DNASE2B: variants seen among roughly 807,000 people sequenced by gnomAD.
DNASE2B encodes the protein deoxyribonuclease-2-beta.
Under a neutral mutation model 46.0 loss-of-function variants are expected in DNASE2B, and 43 were observed. The observed-to-expected ratio is 0.94, with a 90% CI of 0.73 to 1.21. DNASE2B has a LOEUF of 1.21. DNASE2B is among the 50% of genes most tolerant of loss of function. DNASE2B has a pLI of 0.00. For missense variants in DNASE2B, 395 were observed against 414.4 expected (o/e 0.95, Z 0.41); for synonymous variants, 156 against 152.5 (o/e 1.02, Z -0.17).
At chr1:84,407,838 G>C (rs978116345) in intron 2 of DNASE2B, among the ~76,000 whole-genome samples, 1 of 151,900 alleles carries the variant, frequency 6.6e-6, no homozygotes, top group Admixed American at 6.6e-5. Context: ...TTTTTAAGCA[G>C]GAAAATATCA....
chr1:84,412,576 T>C, intron 5 of DNASE2B, 30 bp downstream of exon 5: 1 of 1,546,394 alleles, frequency 6.5e-7, no homozygotes, highest in Non-Finnish European at 8.8e-7. Flanking sequence ...AACAACATGC[T>C]GTATAATTCT....
chr1:84,410,340 G>T (rs1272705363), intron 3 of DNASE2B, among the ~76,000 whole-genome samples: 1 of 152,132 alleles, frequency 6.6e-6, no homozygotes, highest in Non-Finnish European at 1.5e-5. Flanking sequence ...TGTAGAAATA[G>T]TGACTCTTCT....
Position 84,414,568 on chromosome 1 carries a change from C to T in DNASE2B, c.786C>T (p.His262=). The T allele has an allele frequency of 6.2e-7, 1 of 1,613,850 alleles. No individual in the cohort carries two copies. The highest frequency in any genetic ancestry group is 1.3e-5 in the African/African-American group (1 of 75,034). The stretch of plus-strand genomic sequence containing the variant: ...GGATGGCTCAACGGCTGAAGACACA[C>T]TTGTTAACAGAAACCTGGCAGCGAA... ...AAWMAQRLKT[H]LLTETWQRKR... Residue 262 remains histidine, a synonymous_variant, in exon 6 of 6, where the codon CAC becomes CAT. Coordinates refer to ENST00000370665, the MANE Select transcript of DNASE2B (RefSeq NM_021233.3).
At chr1:84,399,498 A>T (rs1458115565) in intron 1 of DNASE2B, among the ~76,000 whole-genome samples, 2 of 152,204 alleles carry the variant, frequency 1.3e-5, no homozygotes, top group East Asian at 3.8e-4. Flanking sequence ...TTATGTGGTA[A>T]GGGCATAGGT....
At chr1:84,401,852 G>A in intron 1 of DNASE2B, 49 bp from the exon 2 acceptor site, 1 of 1,367,710 alleles carries the variant, frequency 7.3e-7, no homozygotes, top group South Asian at 1.6e-5. Context: ...TACTGCCACA[G>A]GAAAACAGTC....
chr1:84,408,819 TA>T (rs1553207770), intron 3 of DNASE2B, among the ~76,000 whole-genome samples: 1 of 830 alleles, frequency 1.2e-3, no homozygotes, highest in African/African-American at 2.6e-3. Context: ...AGCAATTTTA[TA>T]TATATATATA....
At chr1:84,399,549 G>T (rs1680364126) in intron 1 of DNASE2B, among the ~76,000 whole-genome samples, 1 of 152,192 alleles carries the variant, frequency 6.6e-6, no homozygotes, top group Non-Finnish European at 1.5e-5. Flanking sequence ...CTTCTCTAAG[G>T]ATGTAATTTT....
chr1:84,406,743 G>A (rs1680498443), intron 2 of DNASE2B, among the ~76,000 whole-genome samples: 1 of 152,176 alleles, frequency 6.6e-6, no homozygotes, highest in South Asian at 2.1e-4. Flanking sequence ...TGTGCCAGAA[G>A]TGACTGTGAG....
chr1:84,408,971 C>T (rs991620718), intron 3 of DNASE2B, among the ~76,000 whole-genome samples: 1 of 151,780 alleles, frequency 6.6e-6, no homozygotes, highest in Non-Finnish European at 1.5e-5. Context: ...TGGAAATATA[C>T]ATTTTTGAAA....
chr1:84,407,051 T>G (rs1680503616), intron 2 of DNASE2B, among the ~76,000 whole-genome samples: 1 of 152,188 alleles, frequency 6.6e-6, no homozygotes, highest in African/African-American at 2.4e-5. Flanking sequence ...TGAACATATG[T>G]GTTAAAGGAA....
chr1:84,409,139 A>G lies in DNASE2B; in HGVS notation c.385+621A>G, dbSNP rs543533197. 2.6e-5 allele frequency among the ~76,000 whole-genome samples: 4 copies of G among 152,302 alleles called. No homozygotes were observed. In the South Asian group the frequency reaches 8.3e-4, roughly 32 times the overall value. ...AAAATACAGGTAAACAAAAAAATCT[A>G]TAATCCTAATGCCCATTAGATAAAC... On this transcript the variant is annotated intron_variant, in intron 3 of 5. Transcript: ENST00000370665.
chr1:84,404,489 C>A (rs187467737), intron 2 of DNASE2B, among the ~76,000 whole-genome samples: 1 of 152,264 alleles, frequency 6.6e-6, no homozygotes, highest in Non-Finnish European at 1.5e-5. Flanking sequence ...TGTGTTCTAT[C>A]ATGTGTTCCA....
At chr1:84,406,606 G>C (rs1245009942) in intron 2 of DNASE2B, among the ~76,000 whole-genome samples, 1 of 152,186 alleles carries the variant, frequency 6.6e-6, no homozygotes, top group Non-Finnish European at 1.5e-5. Context: ...TGAGTGATTG[G>C]TTCTGGGGGG....
chr1:84,406,506 A>G (rs1680492947), intron 2 of DNASE2B, among the ~76,000 whole-genome samples: 1 of 152,186 alleles, frequency 6.6e-6, no homozygotes, highest in Non-Finnish European at 1.5e-5. Context: ...AGCATAAGAA[A>G]CATGGAGAAA....
chr1:84,400,534 ATC>A (rs1680387692), intron 1 of DNASE2B, among the ~76,000 whole-genome samples: 1 of 152,190 alleles, frequency 6.6e-6, no homozygotes. Context: ...TTAATGGGAC[ATC>A]TTTGAGTTTA....
chr1:84,404,948 T>A (rs150331777), intron 2 of DNASE2B, among the ~76,000 whole-genome samples: 142 of 152,314 alleles, frequency 9.3e-4, no homozygotes, highest in African/African-American at 3.3e-3. Flanking sequence ...TTCTCTTTCT[T>A]ACCAATAAGT....
At chr1:84,413,795 G>A (rs1442141395) in intron 5 of DNASE2B, among the ~76,000 whole-genome samples, 1 of 152,132 alleles carries the variant, frequency 6.6e-6, no homozygotes, top group Non-Finnish European at 1.5e-5. Flanking sequence ...AGTTCAACAT[G>A]CCAAACTCAC....
Position 84,414,819 on chromosome 1 carries a change from T to C in DNASE2B, c.1037T>C (p.Ile346Thr), listed in dbSNP as rs770718741. 1.9e-6 allele frequency: 3 copies of C among 1,614,014 alleles called. No individual in the cohort carries two copies. Among genetic ancestry groups the C allele is most frequent in the Admixed American group, 1.7e-5 (1 of 60,002 alleles). ...TTCATTTGTACCCAGAATTGGCAAA[T>C]TTACCAAGCATTTCAAGGATTAGTA... The part of the protein sequence containing the change: ...GGFICTQNWQ[I>T]YQAFQGLVLY... The change falls in exon 6 of 6, where the codon ATT becomes ACT. Residue 346 changes from isoleucine to threonine, a missense_variant. Coordinates refer to ENST00000370665, the MANE Select transcript of DNASE2B (RefSeq NM_021233.3).
intron 2 of DNASE2B, among the ~76,000 whole-genome samples, chr1:84,403,958 T>TG (rs1680460468): frequency 6.8e-6 from 1 of 147,314 alleles, no homozygotes; most frequent in Non-Finnish European, 1.5e-5. Flanking sequence ...GGCTAATTTT[T>TG]TTTTTTTTTT....
Sources: gnomAD v4.1 joint callset for allele counts (sites outside exome capture counted in the v4.1 genomes callset) on GRCh38, gnomAD v4.1.1 for gene constraint, MANE v1.5 for transcripts, NCBI Gene and HGNC (gene_info 2026-07-23, HGNC 2026-07-21) for gene names.